Variants in ST6GALNAC3 observed in about 807,000 individuals in gnomAD.
ST6GALNAC3 encodes the protein ST6 N-acetylgalactosaminide alpha-2,6-sialyltransferase 3, also known as alpha-N-acetylgalactosaminide alpha-2,6-sialyltransferase 3.
A neutral mutation model predicts 32.7 loss-of-function variants in ST6GALNAC3; 25 were observed. The ratio of observed to expected loss-of-function variants is 0.76; its 90% CI spans 0.56 to 1.07. The LOEUF is 1.07. Ranked by LOEUF, ST6GALNAC3 falls within the 50% of genes least tolerant of loss-of-function variation. The pLI, the probability that ST6GALNAC3 is intolerant of heterozygous loss-of-function variation, is 0.00. For missense variants in ST6GALNAC3, 355 were observed against 382.4 expected, an observed-to-expected ratio of 0.93 and a Z score of 0.60; for synonymous variants, 129 against 133.1, an observed-to-expected ratio of 0.97 and a Z score of 0.21.
At chr1:76,555,241 A>T (rs1664849456) in intron 3 of ST6GALNAC3, among the ~76,000 whole-genome samples, 1 of 152,216 alleles carries the variant, frequency 6.6e-6, no homozygotes, top group African/African-American at 2.4e-5. Flanking sequence ...ATTACAATCT[A>T]ATCAGACAGA....
At chr1:76,521,084 T>C (rs573515375) in intron 3 of ST6GALNAC3, among the ~76,000 whole-genome samples, 65 of 152,182 alleles carry the variant, frequency 4.3e-4, no homozygotes, top group African/African-American at 1.5e-3. Context: ...TTTTAATGCC[T>C]AAGAGATAAA....
chr1:76,219,370 G>A (rs567310731), intron 1 of ST6GALNAC3, among the ~76,000 whole-genome samples: 2 of 152,290 alleles, frequency 1.3e-5, no homozygotes, highest in East Asian at 3.9e-4. Context: ...AATGAAGCCT[G>A]AAGTATTGAG....
chr1:76,420,964 T>C (rs533901364), intron 3 of ST6GALNAC3, among the ~76,000 whole-genome samples: 1 of 152,200 alleles, frequency 6.6e-6, no homozygotes, highest in South Asian at 2.1e-4. Context: ...TATTGTTATT[T>C]ATGTTTAATC....
intron 2 of ST6GALNAC3, among the ~76,000 whole-genome samples, chr1:76,360,231 A>G (rs1413150888): frequency 6.6e-6 from 1 of 152,202 alleles, no homozygotes; most frequent in Non-Finnish European, 1.5e-5. Context: ...GTCTCTGATT[A>G]CTTCATGCAG....
chr1:76,499,528 C>G (rs115289384), intron 3 of ST6GALNAC3, among the ~76,000 whole-genome samples: 2 of 152,056 alleles, frequency 1.3e-5, no homozygotes, highest in Non-Finnish European at 1.5e-5. Context: ...TCCACGTTCT[C>G]GGTTCTACTC....
intron 1 of ST6GALNAC3, among the ~76,000 whole-genome samples, chr1:76,218,743 T>C (rs977983695): frequency 6.6e-6 from 1 of 152,210 alleles, no homozygotes; most frequent in Non-Finnish European, 1.5e-5. Context: ...TGCAGATGTA[T>C]GAATTAAGAG....
intron 1 of ST6GALNAC3, among the ~76,000 whole-genome samples, chr1:76,125,549 G>C (rs149378187): frequency 2.1e-3 from 325 of 152,222 alleles, no homozygotes; most frequent in Middle Eastern, 0.01. Flanking sequence ...AACTGGCAGG[G>C]CAAGCCTCTG....
At chr1:76,341,605 T>TTTGCTTGCTTTC (rs952057105) in intron 2 of ST6GALNAC3, among the ~76,000 whole-genome samples, 4 of 91,186 alleles carry the variant, frequency 4.4e-5, no homozygotes, top group Non-Finnish European at 9.0e-5. Flanking sequence ...TCCAAACTGC[T>TTTGCTTGCTTTC]TTTCTTTCTT....
In ST6GALNAC3 at chr1:76,258,685, G is replaced by A. The variant is rs868823225; in HGVS notation, c.19-55120G>A. 7.9e-4 allele frequency among the ~76,000 whole-genome samples: 121 copies of A among 152,238 alleles called. 1 individual carries two copies. Among genetic ancestry groups the A allele is most frequent in the Middle Eastern group, 3.4e-3 (1 of 294 alleles). On this transcript the variant is annotated intron_variant, in intron 1 of 4. Coordinates refer to ENST00000328299, the MANE Select transcript of ST6GALNAC3 (RefSeq NM_152996.4). ...ATATATAAGGGCCTGTGGAAGGGCTGGGTACCCCGGCATTGTAAGATGTGA... is the reference window on the plus strand; with the variant it reads ...ATATATAAGGGCCTGTGGAAGGGCTAGGTACCCCGGCATTGTAAGATGTGA...
chr1:76,220,337 A>T (rs1214549456), intron 1 of ST6GALNAC3, among the ~76,000 whole-genome samples: 1 of 152,232 alleles, frequency 6.6e-6, no homozygotes, highest in Non-Finnish European at 1.5e-5. Context: ...TTATATAAGT[A>T]AATCCTCTTT....
rs117868283 is a variant in ST6GALNAC3 at position 76,482,169 on chromosome 1, T to C, written c.623+69752T>C. Among the ~76,000 whole-genome samples the C allele has an allele frequency of 1.7e-3, 236 of 140,806 alleles. 2 individuals are homozygous for C. The East Asian group carries it at 0.036, about 22-fold the overall frequency. The allele number at this position is 140,806 out of a possible 152,430, so 92.4% of individuals were successfully genotyped here. A position where few individuals can be genotyped will look rare whatever the true frequency, so the allele number is the denominator to read the frequency against. ...ACACACACACACACACACACACACA[T>C]GCACTTCATCTTAGCAGTAAAAGCC... On this transcript the variant is annotated intron_variant, in intron 3 of 4. Transcript: ENST00000328299.
chr1:76,462,507 T>G (rs139157526), intron 3 of ST6GALNAC3, among the ~76,000 whole-genome samples: 76 of 147,834 alleles, frequency 5.1e-4, no homozygotes, highest in African/African-American at 1.9e-3. Flanking sequence ...TGAAATTAAT[T>G]TTGAGGGTGG....
At chr1:76,398,462 G>GTTAAGAAAATATCCTACTTTTAGCTTAC (rs1653154654) in intron 2 of ST6GALNAC3, among the ~76,000 whole-genome samples, 1 of 152,094 alleles carries the variant, frequency 6.6e-6, no homozygotes, top group African/African-American at 2.4e-5. Context: ...TCTTTACCGT[G>GTTAAGAAAATATCCTACTTTTAGCTTAC]TTAAGAAAAT....
chr1:76,629,499 A>G lies in ST6GALNAC3; in HGVS notation c.*693A>G, dbSNP rs989488063. The G allele has an allele frequency of 1.1e-5, 11 of 985,100 alleles. No homozygotes were observed. The African/African-American group carries it at 1.7e-4, about 16-fold the overall frequency. The allele number at this position is 985,100 out of a possible 1,614,324, so 61.0% of individuals were successfully genotyped here. A position where few individuals can be genotyped will look rare whatever the true frequency, so the allele number is the denominator to read the frequency against. ...ATCTTGATGAATTTCCACTCTTACC[A>G]TCCATTCTTACTACCAACAGTATAA... On this transcript the variant is annotated 3_prime_UTR_variant, in exon 5 of 5. Transcript: ENST00000328299.
intron 3 of ST6GALNAC3, among the ~76,000 whole-genome samples, chr1:76,502,316 A>G (rs1442648721): frequency 1.3e-5 from 2 of 152,224 alleles, no homozygotes; most frequent in African/African-American, 4.8e-5. Flanking sequence ...CCACCTTTTG[A>G]GGTAACTATT....
chr1:76,182,476 T>C (rs1442997323), intron 1 of ST6GALNAC3, among the ~76,000 whole-genome samples: 2 of 152,218 alleles, frequency 1.3e-5, no homozygotes, highest in Non-Finnish European at 2.9e-5. Flanking sequence ...GAAGTTTCTA[T>C]TCTTTTTAGA....
chr1:76,521,560 G>T (rs1662540322), intron 3 of ST6GALNAC3, among the ~76,000 whole-genome samples: 1 of 151,856 alleles, frequency 6.6e-6, no homozygotes, highest in African/African-American at 2.4e-5. Flanking sequence ...TCTTTGTATT[G>T]CTCTTCATTT....
At chr1:76,337,333 G>A (rs1647577124) in intron 2 of ST6GALNAC3, among the ~76,000 whole-genome samples, 1 of 152,230 alleles carries the variant, frequency 6.6e-6, no homozygotes. Context: ...GGTGCCAGAT[G>A]TGCGAGCTAG....
intron 3 of ST6GALNAC3, among the ~76,000 whole-genome samples, chr1:76,484,115 G>T (rs1010736301): frequency 1.3e-5 from 2 of 152,018 alleles, no homozygotes; most frequent in East Asian, 3.9e-4. Context: ...TGCTGTTTTG[G>T]TTACTGTAGC....
Sources: gnomAD v4.1 joint callset for allele counts (sites outside exome capture counted in the v4.1 genomes callset) on GRCh38, gnomAD v4.1.1 for gene constraint, MANE v1.5 for transcripts, NCBI Gene and HGNC (gene_info 2026-07-23, HGNC 2026-07-21) for gene names.